RBM23: variants seen among roughly 807,000 people sequenced by gnomAD.
RBM23 encodes probable RNA-binding protein 23.
Under a neutral mutation model 56.2 loss-of-function variants are expected in RBM23, and 53 were observed. That is an observed-to-expected ratio of 0.94 (90% CI 0.76 to 1.19). The LOEUF (loss-of-function observed/expected upper bound fraction) is 1.19. Ranked by LOEUF, RBM23 falls within the 50% of genes most tolerant of loss-of-function variation. The pLI, the probability that RBM23 is intolerant of heterozygous loss-of-function variation, is 0.00. For missense variants in RBM23, 642 were observed against 590.3 expected (o/e 1.09, Z -0.91); for synonymous variants, 197 against 198.5 (o/e 0.99, Z 0.06).
intron 12 of RBM23, 26 bp from the exon 13 acceptor site, chr14:22,901,909 T>C: frequency 6.2e-7 from 1 of 1,613,922 alleles, no homozygotes; most frequent in African/African-American, 1.3e-5. Context: ...GCAGAGTGAG[T>C]GAGCAAGCAC....
chr14:22,903,185 C>T, intron 10 of RBM23: 1 of 985,554 alleles, frequency 1.0e-6, no homozygotes, highest in Non-Finnish European at 1.2e-6. Context: ...CCCACATACA[C>T]ACAAGAGCTG....
chr14:22,901,436 G>A lies in RBM23; in HGVS notation c.*294C>T. The stretch of plus-strand genomic sequence containing the variant: ...GAAATTGAGGAATCACTAAGGTGTT[G>A]GAAAGGGCAAGAAGGTAATCTCAGA... On this transcript the variant is annotated 3_prime_UTR_variant, in exon 14 of 14. Transcript: ENST00000359890. The A allele has an allele frequency of 3.7e-6, 2 of 542,942 alleles. No homozygotes were observed. The highest frequency in any genetic ancestry group is 6.6e-6 in the Non-Finnish European group (2 of 304,726). The allele number at this position is 542,942 out of a possible 1,614,324, so 33.6% of individuals were successfully genotyped here.
In RBM23 at chr14:22,896,211, C is replaced by G. The variant is rs558824354; in HGVS notation, c.*5519G>C. The G allele has an allele frequency of 6.6e-6, 1 of 152,292 alleles. No individual in the cohort carries two copies. Among genetic ancestry groups the G allele is most frequent in the Admixed American group, 6.5e-5 (1 of 15,294 alleles). The allele number at this position is 152,292 out of a possible 1,614,324, so 9.4% of individuals were successfully genotyped here. The stretch of plus-strand genomic sequence containing the variant: ...CCAAACCTTTCTCAATGAATTCTCA[C>G]AACATCCCTATGAGATAGGTGTTAT... On this transcript the variant is annotated 3_prime_UTR_variant, in exon 14 of 14. Coordinates refer to ENST00000359890, the MANE Select transcript of RBM23 (RefSeq NM_001077351.2).
In RBM23 at chr14:22,900,333, C is replaced by G. The variant is rs1040794914; in HGVS notation, c.*1397G>C. The G allele has an allele frequency of 1.4e-4, 21 of 151,238 alleles. No homozygotes were observed. The highest frequency in any genetic ancestry group is 4.4e-5 in the Non-Finnish European group (3 of 67,878). The allele number at this position is 151,238 out of a possible 1,614,324, so 9.4% of individuals were successfully genotyped here. ...ACTTAACTCTTCAAGATCACAACCCCCCCCCCTCCCCGCCCCGCCCCACTA... is the reference window on the plus strand; with the variant it reads ...ACTTAACTCTTCAAGATCACAACCCGCCCCCCTCCCCGCCCCGCCCCACTA... On this transcript the variant is annotated 3_prime_UTR_variant, in exon 14 of 14. Transcript: ENST00000359890.
chr14:22,910,840 G>A (rs900147909), intron 2 of RBM23, among the ~76,000 whole-genome samples: 1 of 152,094 alleles, frequency 6.6e-6, no homozygotes, highest in Admixed American at 6.6e-5. Context: ...GTGAAACCCC[G>A]TCTCTACTAA....
intron 4 of RBM23, among the ~76,000 whole-genome samples, chr14:22,907,037 G>A (rs943054645): frequency 6.6e-6 from 1 of 152,198 alleles, no homozygotes; most frequent in Non-Finnish European, 1.5e-5. Flanking sequence ...AGCCAGGTGT[G>A]GTGGTGCGCA....
chr14:22,907,880 CAACAAT>C (rs1214304647), intron 4 of RBM23, among the ~76,000 whole-genome samples: 1 of 151,290 alleles, frequency 6.6e-6, no homozygotes, highest in Non-Finnish European at 1.5e-5. Flanking sequence ...TCGTAGTTTT[CAACAAT>C]AACAATAATG....
intron 2 of RBM23, among the ~76,000 whole-genome samples, chr14:22,910,519 G>T (rs1057057195): frequency 2.0e-5 from 3 of 149,704 alleles, no homozygotes; most frequent in Admixed American, 6.7e-5. Flanking sequence ...AAGGGAGAAG[G>T]AGGGAGGGAT....
chr14:22,903,330 G>A (rs2040950623), intron 10 of RBM23: 13 of 985,304 alleles, frequency 1.3e-5, no homozygotes, highest in Non-Finnish European at 1.6e-5. Flanking sequence ...GACCCAAAAG[G>A]CAACAATGCA....
rs187726567 is a variant in RBM23 at position 22,910,531 on chromosome 14, G to A, written c.66+797C>T. Among the ~76,000 whole-genome samples, 1,220 of 150,854 alleles carry A rather than the reference G, an allele frequency of 8.1e-3. 16 individuals carry two copies. Among genetic ancestry groups the A allele is most frequent in the African/African-American group, 0.029 (1,176 of 40,984 alleles). On this transcript the variant is annotated intron_variant, in intron 2 of 13. Transcript: ENST00000359890. ...AGGAAGGGAGAAGGAGGGAGGGATG[G>A]GAGGAGAGGGCAGAGGGAGGGAAAA...
Position 22,895,365 on chromosome 14 carries a change from A to G in RBM23, c.*6365T>C, listed in dbSNP as rs1312523028. 1 of 152,212 alleles carries G rather than the reference A, an allele frequency of 6.6e-6. No homozygotes were observed. The highest frequency in any genetic ancestry group is 1.5e-5 in the Non-Finnish European group (1 of 68,100). 9.4% of individuals were successfully genotyped at this position (152,212 alleles called of 1,614,324 possible). ...CAAAAGCGAAACTCCATCTCAAAGA[A>G]AAAATAAAAATAAATAAATAAAAAA... is the stretch of plus-strand genomic sequence containing the variant. On this transcript the variant is annotated 3_prime_UTR_variant, in exon 14 of 14. Coordinates refer to ENST00000359890, the MANE Select transcript of RBM23 (RefSeq NM_001077351.2).
chr14:22,904,928 G>A lies in RBM23; in HGVS notation c.811C>T (p.His271Tyr). 6.2e-7 allele frequency: 1 copy of A among 1,614,178 alleles called. No homozygotes were observed. The highest frequency in any genetic ancestry group is 8.5e-7 in the Non-Finnish European group (1 of 1,180,032). The change falls in exon 9 of 14, where the codon CAC becomes TAC. Residue 271 changes from histidine to tyrosine, a missense_variant. Physicochemically the swap from His to Tyr is moderately conservative, Grantham distance 83 (BLOSUM62 2). Transcript: ENST00000359890. The stretch of plus-strand genomic sequence containing the variant: ...AGCATGTCTTCAGTGATATTGAAGT[G>A]CAGGGAACCCACATAGAGGCGCATT... ...GPMRLYVGSL[H>Y]FNITEDMLRG...
intron 1 of RBM23, among the ~76,000 whole-genome samples, chr14:22,915,176 A>G (rs780132325): frequency 4.6e-5 from 7 of 152,176 alleles, no homozygotes; most frequent in Non-Finnish European, 8.8e-5. Context: ...CATGTTATGG[A>G]GAGAGAAGAT....
At position 22,900,926 on chromosome 14, in the gene RBM23, G is replaced by C. The variant is rs1293152639; in HGVS notation, c.*804C>G. 3 of 152,136 alleles carry C rather than the reference G, an allele frequency of 2.0e-5. No individual in the cohort carries two copies. The highest frequency in any genetic ancestry group is 2.9e-5 in the Non-Finnish European group (2 of 68,044). 9.4% of individuals were successfully genotyped at this position (152,136 alleles called of 1,614,324 possible). On this transcript the variant is annotated 3_prime_UTR_variant, in exon 14 of 14. Transcript: ENST00000359890. ...GCCACAGTAGAGGCACACAGGAAGT[G>C]GTAGAGTAGCAGCCTCCCTCCATCC...
intron 5 of RBM23, chr14:22,905,888 TAC>T: frequency 1.7e-6 from 1 of 598,366 alleles, no homozygotes; most frequent in Non-Finnish European, 2.9e-6. Context: ...TGGCTAGGAT[TAC>T]AGACACACAT....
rs1346548743 is a variant in RBM23, at chr14:22,902,055, C to T, written c.1171G>A (p.Ala391Thr). Residue 391 changes from alanine (A) to threonine (T), a missense_variant, in exon 12 of 14, where the codon GCC becomes ACC. By Grantham distance (58) the Ala-to-Thr change is moderately conservative. Transcript: ENST00000359890. ...TGCAAGGCAGCAGCCTGGGCGGCGGCGGCAGCAGCAGCAGCAGCAGTGCTT... is the reference window on the plus strand; with the variant it reads ...TGCAAGGCAGCAGCCTGGGCGGCGGTGGCAGCAGCAGCAGCAGCAGTGCTT... ...LPSTAAAAAA[A>T]AAQAAALQLN... 5 of 1,612,420 alleles carry T rather than the reference C, an allele frequency of 3.1e-6. No homozygotes were observed. Among genetic ancestry groups the T allele is most frequent in the African/African-American group, 2.7e-5 (2 of 74,894 alleles).
intron 4 of RBM23, among the ~76,000 whole-genome samples, chr14:22,908,121 A>G (rs1047779142): frequency 6.6e-6 from 1 of 152,186 alleles, no homozygotes; most frequent in Non-Finnish European, 1.5e-5. Context: ...CCTGGGCCCA[A>G]GCAATCCTCC....
At position 22,896,894 on chromosome 14, in the gene RBM23, A is replaced by C. The variant is rs2040257026; in HGVS notation, c.*4836T>G. 6.6e-6 allele frequency: 1 copy of C among 152,204 alleles called. No individual in the cohort carries two copies. The allele number at this position is 152,204 out of a possible 1,614,324, so 9.4% of individuals were successfully genotyped here. A position where few individuals can be genotyped will look rare whatever the true frequency, so the allele number is the denominator to read the frequency against. ...GGATGTCTGAAGCTAGAAGATTCAG[A>C]TATGCAGCTTCTCAGACCGGAATTC... On this transcript the variant is annotated 3_prime_UTR_variant, in exon 14 of 14. Coordinates refer to ENST00000359890, the MANE Select transcript of RBM23 (RefSeq NM_001077351.2).
rs893733510 is a variant in RBM23 at position 22,903,912 on chromosome 14, A to G, written c.930+349T>C. On this transcript the variant is annotated intron_variant, in intron 10 of 13. Coordinates refer to ENST00000359890, the MANE Select transcript of RBM23 (RefSeq NM_001077351.2). ...CCCATCCCTGTTATGAGAAACATCA[A>G]TTCTATAAAGCATGTCTTTAAAAGC... 8 of 1,209,232 alleles carry G rather than the reference A, an allele frequency of 6.6e-6. No individual in the cohort carries two copies. In the South Asian group the frequency reaches 8.4e-5, roughly 13 times the overall value. The allele number at this position is 1,209,232 out of a possible 1,614,324, so 74.9% of individuals were successfully genotyped here.
Sources: allele counts gnomAD v4.1 joint callset (sites outside exome capture counted in the v4.1 genomes callset), GRCh38; gene constraint gnomAD v4.1.1; transcripts MANE v1.5; gene names NCBI Gene and HGNC (gene_info 2026-07-23, HGNC 2026-07-21).